Variants in DTD1 observed in about 807,000 individuals in gnomAD.
DTD1 encodes the protein D-aminoacyl-tRNA deacylase 1.
DTD1 carries 13 observed loss-of-function variants against 25.6 expected under a neutral mutation model. The ratio of observed to expected loss-of-function variants is 0.51; its 90% CI spans 0.33 to 0.81. The LOEUF (loss-of-function observed/expected upper bound fraction) is 0.81. Ranked by LOEUF, DTD1 falls within the 30% of genes least tolerant of loss-of-function variation. The probability of loss-of-function intolerance (pLI) is 0.02; values close to 1 mark genes in which losing one functional copy is unlikely to be tolerated. For synonymous variants in DTD1, 110 were observed against 103.6 expected (o/e 1.06, Z -0.37); for missense variants, 193 against 266.4 (o/e 0.72, Z 1.92).
At chr20:18,721,146 T>TC (rs897310900) in intron 4 of DTD1, among the ~76,000 whole-genome samples, 1 of 152,236 alleles carries the variant, frequency 6.6e-6, no homozygotes, top group Non-Finnish European at 1.5e-5. Flanking sequence ...GAACAGACTG[T>TC]CCTAATTTTA....
intron 4 of DTD1, among the ~76,000 whole-genome samples, chr20:18,714,728 A>G (rs542009257): frequency 1.1e-4 from 17 of 149,668 alleles, no homozygotes; most frequent in African/African-American, 3.8e-4. Flanking sequence ...GATGAGGAGC[A>G]GGTAAGAAGA....
intron 4 of DTD1, among the ~76,000 whole-genome samples, chr20:18,687,447 C>T (rs1159730251): frequency 6.6e-6 from 1 of 152,198 alleles, no homozygotes; most frequent in Non-Finnish European, 1.5e-5. Flanking sequence ...AAGGAGAAAT[C>T]TCTTCCACAG....
chr20:18,644,633 A>C (rs1215853399), intron 4 of DTD1, among the ~76,000 whole-genome samples: 1 of 152,238 alleles, frequency 6.6e-6, no homozygotes, highest in Admixed American at 6.5e-5. Flanking sequence ...ATAGACCTGA[A>C]AGAGTTGCTT....
chr20:18,648,902 G>A (rs1022405564), intron 4 of DTD1, among the ~76,000 whole-genome samples: 9 of 148,054 alleles, frequency 6.1e-5, no homozygotes, highest in African/African-American at 2.0e-4. Flanking sequence ...AGGCTGAGGC[G>A]GGAGAATGAC....
intron 4 of DTD1, among the ~76,000 whole-genome samples, chr20:18,724,039 G>A (rs1267416152): frequency 2.0e-5 from 3 of 152,150 alleles, no homozygotes; most frequent in Admixed American, 6.5e-5. Flanking sequence ...GATCAAAGGC[G>A]GAAAAGGGAA....
At chr20:18,659,426 C>T (rs1432065871) in intron 4 of DTD1, among the ~76,000 whole-genome samples, 1 of 152,190 alleles carries the variant, frequency 6.6e-6, no homozygotes, top group East Asian at 1.9e-4. Context: ...CCATTATATT[C>T]ATGATGTTTA....
rs1247125446 is a variant in DTD1 at position 18,744,264 on chromosome 20, G to C, written c.*12G>C. 3.1e-6 allele frequency: 5 copies of C among 1,611,020 alleles called. No individual in the cohort carries two copies. The highest frequency in any genetic ancestry group is 1.3e-5 in the African/African-American group (1 of 74,800). On this transcript the variant is annotated 3_prime_UTR_variant, in exon 5 of 6. Transcript: ENST00000377452. ...AACGGGAGCCGTAGCTCAGGAGGCA[G>C]AATTCAGGTAGGAGTTTCCCTGCTT...
intron 4 of DTD1, among the ~76,000 whole-genome samples, chr20:18,720,001 GATA>G (rs1450397216): frequency 6.6e-6 from 1 of 152,200 alleles, no homozygotes; most frequent in Non-Finnish European, 1.5e-5. Flanking sequence ...AGAACAAACA[GATA>G]ATGATTTTCT....
chr20:18,706,877 G>A (rs557078430), intron 4 of DTD1, among the ~76,000 whole-genome samples: 2 of 152,206 alleles, frequency 1.3e-5, no homozygotes, highest in Non-Finnish European at 2.9e-5. Flanking sequence ...TCCCGTTAGC[G>A]GTGCATTTCC....
chr20:18,591,551 A>G (rs527916298), intron 1 of DTD1, among the ~76,000 whole-genome samples: 3 of 152,352 alleles, frequency 2.0e-5, no homozygotes, highest in East Asian at 1.9e-4. Flanking sequence ...GAAAACAAAT[A>G]TGAATTAAAA....
chr20:18,616,032 T>C (rs899164666), intron 3 of DTD1, among the ~76,000 whole-genome samples: 1 of 152,246 alleles, frequency 6.6e-6, no homozygotes, highest in Non-Finnish European at 1.5e-5. Flanking sequence ...GCCTGTTCTA[T>C]ATACTTTGGC....
At chr20:18,663,671 G>A (rs1320073124) in intron 4 of DTD1, among the ~76,000 whole-genome samples, 1 of 152,128 alleles carries the variant, frequency 6.6e-6, no homozygotes, top group Admixed American at 6.5e-5. Context: ...ATGCCACTAC[G>A]AAGAAATACC....
At chr20:18,720,127 G>A (rs1032678337) in intron 4 of DTD1, among the ~76,000 whole-genome samples, 2 of 152,172 alleles carry the variant, frequency 1.3e-5, no homozygotes, top group Non-Finnish European at 2.9e-5. Flanking sequence ...ACCATGGCTG[G>A]TTTGTAAAGC....
intron 4 of DTD1, among the ~76,000 whole-genome samples, chr20:18,682,877 C>T (rs1472148474): frequency 6.7e-6 from 1 of 148,506 alleles, no homozygotes; most frequent in Non-Finnish European, 1.5e-5. Context: ...GTGGGTATAC[C>T]CTCAATAGCC....
At chr20:18,632,705 G>C in intron 4 of DTD1, 1 of 956,904 alleles carries the variant, frequency 1.0e-6, no homozygotes, top group Non-Finnish European at 1.2e-6. Context: ...ATAGAAAAAT[G>C]ATTCTTTTAG....
chr20:18,640,088 C>T (rs1397345784), intron 4 of DTD1, among the ~76,000 whole-genome samples: 1 of 149,826 alleles, frequency 6.7e-6, no homozygotes, highest in Non-Finnish European at 1.5e-5. Context: ...TGTCCCTTTG[C>T]CCCCCTTCAT....
Position 18,649,326 on chromosome 20 carries a change from CTTTTTTTTTT to C in DTD1, c.477+21114_477+21123del, listed in dbSNP as rs55766733. Among the ~76,000 whole-genome samples, 59 of 57,646 alleles carry C rather than the reference CTTTTTTTTTT, an allele frequency of 1.0e-3. 1 individual carries two copies. The South Asian group carries it at 0.017, about 17-fold the overall frequency. The allele number at this position is 57,646 out of a possible 152,430, so 37.8% of individuals were successfully genotyped here. On this transcript the variant is annotated intron_variant, in intron 4 of 5. Coordinates refer to ENST00000377452, the MANE Select transcript of DTD1 (RefSeq NM_080820.6). Reference sequence around the variant, plus strand: ...TGGGCTTTCTCAGCCATTCATCTTTCTTTTTTTTTTTTTTTTTTTTTTTTTTTTTTGAGAT... The same window carrying C: ...TGGGCTTTCTCAGCCATTCATCTTTCTTTTTTTTTTTTTTTTTTTTGAGAT...
intron 3 of DTD1, among the ~76,000 whole-genome samples, chr20:18,627,473 G>A (rs544474802): frequency 3.3e-5 from 5 of 152,270 alleles, no homozygotes; most frequent in South Asian, 4.1e-4. Flanking sequence ...GTACAGTCCC[G>A]GTAACCCACA....
chr20:18,763,848 TTC>T lies in DTD1; in HGVS notation c.*512_*513del, dbSNP rs1235863892. The T allele has an allele frequency of 2.0e-5, 3 of 152,364 alleles. No individual in the cohort carries two copies. The highest frequency in any genetic ancestry group is 7.2e-5 in the African/African-American group (3 of 41,590). The allele number at this position is 152,364 out of a possible 1,614,324, so 9.4% of individuals were successfully genotyped here. A position where few individuals can be genotyped will look rare whatever the true frequency, so the allele number is the denominator to read the frequency against. On this transcript the variant is annotated 3_prime_UTR_variant, in exon 6 of 6. Transcript: ENST00000377452. ...GTGAGACCTTTGCATCTTGTAAATT[TTC>T]TCTTTTTTCTAAAAATAAATAATAA...
Sources: allele counts gnomAD v4.1 joint callset (sites outside exome capture counted in the v4.1 genomes callset), GRCh38; gene constraint gnomAD v4.1.1; transcripts MANE v1.5; gene names NCBI Gene and HGNC (gene_info 2026-07-23, HGNC 2026-07-21).